Variants in JMJD1C observed in about 807,000 individuals in gnomAD.
JMJD1C encodes jumonji domain containing 1C.
A neutral mutation model predicts 245.3 loss-of-function variants in JMJD1C; 31 were observed. That is an observed-to-expected ratio of 0.13 (90% CI 0.09 to 0.17). The LOEUF (loss-of-function observed/expected upper bound fraction) is 0.17. Ranked by LOEUF, JMJD1C falls within the 10% of genes least tolerant of loss-of-function variation. The probability of loss-of-function intolerance (pLI) is 1.00; values close to 1 mark genes in which losing one functional copy is unlikely to be tolerated. For missense variants in JMJD1C, 2,691 were observed against 3,000.2 expected (o/e 0.90, Z 2.41); for synonymous variants, 1,057 against 1,017.4 (o/e 1.04, Z -0.74).
At chr10:63,484,424 T>C (rs902361290) in intron 1 of JMJD1C, among the ~76,000 whole-genome samples, 4 of 152,192 alleles carry the variant, frequency 2.6e-5, no homozygotes, top group Non-Finnish European at 5.9e-5. Context: ...ATGTAACTTC[T>C]AGTGTATGTA....
chr10:63,295,261 ATT>A (rs5785568), intron 2 of JMJD1C, among the ~76,000 whole-genome samples: 317 of 138,580 alleles, frequency 2.3e-3, no homozygotes, highest in Middle Eastern at 3.7e-3. Flanking sequence ...TGCCCAACTA[ATT>A]TTTTTTTTTT....
intron 3 of JMJD1C, among the ~76,000 whole-genome samples, chr10:63,230,347 G>C (rs1349456329): frequency 6.6e-6 from 1 of 152,012 alleles, no homozygotes; most frequent in Non-Finnish European, 1.5e-5. Context: ...ACTCCAGCCT[G>C]GGCAACAGAG....
At chr10:63,310,971 G>C (rs1207354455) in intron 2 of JMJD1C, among the ~76,000 whole-genome samples, 5 of 152,112 alleles carry the variant, frequency 3.3e-5, no homozygotes, top group Non-Finnish European at 4.4e-5. Flanking sequence ...TGTTGATAAA[G>C]ATGTTACAAA....
At chr10:63,424,638 C>G (rs533530185) in intron 1 of JMJD1C, among the ~76,000 whole-genome samples, 3 of 150,918 alleles carry the variant, frequency 2.0e-5, no homozygotes, top group Non-Finnish European at 4.4e-5. Flanking sequence ...TCCCAAGTAG[C>G]TGGGATTACA....
intron 1 of JMJD1C, among the ~76,000 whole-genome samples, chr10:63,452,301 A>T (rs1952120224): frequency 6.6e-6 from 1 of 152,232 alleles, no homozygotes; most frequent in Non-Finnish European, 1.5e-5. Flanking sequence ...CATTTCTCCA[A>T]AGGAGATACA....
intron 2 of JMJD1C, among the ~76,000 whole-genome samples, chr10:63,290,021 A>G (rs1858453882): frequency 2.6e-5 from 4 of 152,146 alleles, no homozygotes; most frequent in African/African-American, 7.2e-5. Context: ...AATACAGCCT[A>G]CATCAAATAA....
At chr10:63,281,309 GTTTTT>G (rs71025143) in intron 2 of JMJD1C, among the ~76,000 whole-genome samples, 5 of 144,780 alleles carry the variant, frequency 3.5e-5, no homozygotes, top group Non-Finnish European at 7.5e-5. Flanking sequence ...TAATTTTTCT[GTTTTT>G]TTTTTTTGTT....
At chr10:63,433,380 G>A (rs1206071563) in intron 1 of JMJD1C, among the ~76,000 whole-genome samples, 1 of 152,142 alleles carries the variant, frequency 6.6e-6, no homozygotes, top group Non-Finnish European at 1.5e-5. Flanking sequence ...ACAGGCTTGT[G>A]CCACCGCGCC....
intron 1 of JMJD1C, among the ~76,000 whole-genome samples, chr10:63,465,045 G>A (rs562478936): frequency 4.2e-4 from 64 of 152,244 alleles, no homozygotes; most frequent in Non-Finnish European, 6.6e-4. Flanking sequence ...TACAGGATAA[G>A]TTTTAAGTCT....
intron 1 of JMJD1C, among the ~76,000 whole-genome samples, chr10:63,431,042 G>C (rs920017701): frequency 1.3e-5 from 2 of 152,160 alleles, no homozygotes; most frequent in Non-Finnish European, 2.9e-5. Flanking sequence ...TTTTAAAAAA[G>C]TGACAATGGC....
intron 2 of JMJD1C, among the ~76,000 whole-genome samples, chr10:63,326,053 C>CAACATAATATATTTTAGATATT (rs1305789911): frequency 6.6e-6 from 1 of 152,088 alleles, no homozygotes; most frequent in Non-Finnish European, 1.5e-5. Context: ...TTTAGTACAA[C>CAACATAATATATTTTAGATATT]TAAGAACATC....
At chr10:63,407,422 G>C (rs1949234360) in intron 1 of JMJD1C, among the ~76,000 whole-genome samples, 1 of 152,040 alleles carries the variant, frequency 6.6e-6, no homozygotes, top group Non-Finnish European at 1.5e-5. Context: ...GCCAGATAAA[G>C]CACTGACAGA....
intron 3 of JMJD1C, among the ~76,000 whole-genome samples, chr10:63,226,331 T>C (rs184220987): frequency 2.0e-5 from 3 of 152,274 alleles, no homozygotes; most frequent in East Asian, 3.9e-4. Flanking sequence ...GATCTACAAA[T>C]ACCCAAATGC....
At chr10:63,459,119 T>C (rs757224285) in intron 1 of JMJD1C, among the ~76,000 whole-genome samples, 3 of 152,220 alleles carry the variant, frequency 2.0e-5, no homozygotes, top group Non-Finnish European at 2.9e-5. Flanking sequence ...CTAGGCAACA[T>C]GTAACATCTC....
chr10:63,401,174 C>T (rs1233631609), intron 1 of JMJD1C, among the ~76,000 whole-genome samples: 2 of 152,166 alleles, frequency 1.3e-5, no homozygotes, highest in African/African-American at 2.4e-5. Flanking sequence ...TCCTCTCTTG[C>T]GGTAGAACTT....
intron 2 of JMJD1C, among the ~76,000 whole-genome samples, chr10:63,359,448 T>C (rs760733430): frequency 1.1e-4 from 16 of 152,256 alleles, no homozygotes; most frequent in Non-Finnish European, 1.9e-4. Flanking sequence ...AATATTTTTA[T>C]AATGACAAAA....
chr10:63,177,694 A>G (rs377279717), intron 23 of JMJD1C, 23 bp downstream of exon 23: 61 of 1,612,444 alleles, frequency 3.8e-5, no homozygotes, highest in Non-Finnish European at 4.9e-5. Context: ...GGGAAGAGAT[A>G]TTATTTGCAA....
intron 3 of JMJD1C, among the ~76,000 whole-genome samples, chr10:63,228,271 A>G (rs1849546374): frequency 6.6e-6 from 1 of 152,194 alleles, no homozygotes; most frequent in Admixed American, 6.5e-5. Flanking sequence ...AAATGTTTCT[A>G]TATTAGCATT....
intron 1 of JMJD1C, among the ~76,000 whole-genome samples, chr10:63,418,332 TATCTC>T (rs1042410991): frequency 6.6e-6 from 1 of 152,196 alleles, no homozygotes; most frequent in African/African-American, 2.4e-5. Flanking sequence ...CCTGACAAAA[TATCTC>T]ATCTATCCTG....
Sources: allele counts gnomAD v4.1 joint callset (sites outside exome capture counted in the v4.1 genomes callset), GRCh38; gene constraint gnomAD v4.1.1; transcripts MANE v1.5; gene names NCBI Gene and HGNC (gene_info 2026-07-23, HGNC 2026-07-21).